LANCL1: variants seen among roughly 807,000 people sequenced by gnomAD.
The protein encoded by LANCL1 is LanC like glutathione S-transferase 1.
Under a neutral mutation model 50.6 loss-of-function variants are expected in LANCL1, and 50 were observed. The ratio of observed to expected loss-of-function variants is 0.99; its 90% CI spans 0.79 to 1.25. The LOEUF (loss-of-function observed/expected upper bound fraction) is 1.25, where lower values mean the gene tolerates loss of function less well. Among genes scored for constraint, LANCL1 ranks in the 50% most tolerant of loss-of-function variants. The pLI is 0.00. For synonymous variants in LANCL1, 188 were observed against 178.6 expected (o/e 1.05, Z -0.42); for missense variants, 532 against 480.7 (o/e 1.11, Z -1.00).
Position 210,436,220 on chromosome 2 carries a change from C to G in LANCL1, c.1046G>C (p.Cys349Ser). ...TQDMKYLYRA[C>S]KFAEWCLEYG... ...TTTGGTGGTTCTGACTCCTACCTTA[C>G]AGGCCCTATACAGGTACTTCATGTC... is the stretch of plus-strand genomic sequence containing the variant. Residue 349 changes from cysteine (C) to serine (S), a missense_variant, in exon 8 of 10, where the codon TGT becomes TCT. Physicochemically the swap from Cys to Ser is moderately radical, Grantham distance 112. Transcript: ENST00000450366. 1 of 1,613,522 alleles carries G rather than the reference C, an allele frequency of 6.2e-7. No homozygotes were observed.
chr2:210,476,896 A>C, upstream of LANCL1: 1 of 746,308 alleles, frequency 1.3e-6, no homozygotes, highest in Non-Finnish European at 1.6e-6. Flanking sequence ...ACTGGGTAGC[A>C]GAAGTGAGGA....
At position 210,431,892 on chromosome 2, in the gene LANCL1, T is replaced by C. The variant is rs1169039739; in HGVS notation, c.*2595A>G. On this transcript the variant is annotated 3_prime_UTR_variant, in exon 10 of 10. Coordinates refer to ENST00000450366, the MANE Select transcript of LANCL1 (RefSeq NM_006055.3). Reference sequence around the variant, plus strand: ...ATGATGAAAAGTTAACTATTTGCAATTTCTAAATTACTATAGAAACAGAAA... The same window carrying C: ...ATGATGAAAAGTTAACTATTTGCAACTTCTAAATTACTATAGAAACAGAAA... 1 of 152,228 alleles carries C rather than the reference T, an allele frequency of 6.6e-6. No individual in the cohort carries two copies. Among genetic ancestry groups the C allele is most frequent in the Non-Finnish European group, 1.5e-5 (1 of 68,036 alleles). The allele number at this position is 152,228 out of a possible 1,614,324, so 9.4% of individuals were successfully genotyped here.
At chr2:210,477,584 C>T (rs1230183533), upstream of LANCL1, 2 of 1,393,406 alleles carry the variant, frequency 1.4e-6, no homozygotes, top group Non-Finnish European at 1.9e-6. Flanking sequence ...TGGAGAAGCT[C>T]AGTCTCCACC....
chr2:210,445,965 G>C (rs577553734), intron 4 of LANCL1, among the ~76,000 whole-genome samples: 7 of 152,338 alleles, frequency 4.6e-5, no homozygotes, highest in African/African-American at 1.4e-4. Flanking sequence ...CCCAGTCAGG[G>C]AATTACAGAT....
At chr2:210,454,538 A>G (rs1413166026) in intron 4 of LANCL1, among the ~76,000 whole-genome samples, 1 of 152,194 alleles carries the variant, frequency 6.6e-6, no homozygotes, top group Non-Finnish European at 1.5e-5. Context: ...AGAGCGATGC[A>G]TGCAGAGTTG....
chr2:210,463,221 T>TA (rs199813177), intron 3 of LANCL1, among the ~76,000 whole-genome samples: 83 of 152,210 alleles, frequency 5.5e-4, no homozygotes, highest in African/African-American at 1.9e-3. Context: ...TTTATTTATT[T>TA]TTTTTTTTGG....
intron 3 of LANCL1, among the ~76,000 whole-genome samples, chr2:210,462,243 G>C (rs1263113422): frequency 1.3e-5 from 2 of 152,208 alleles, no homozygotes; most frequent in Admixed American, 6.5e-5. Flanking sequence ...GCTATGTGTA[G>C]AGTCATATAT....
intron 4 of LANCL1, 118 bp downstream of exon 4, chr2:210,454,989 G>A: frequency 1.3e-6 from 1 of 750,434 alleles, no homozygotes; most frequent in Non-Finnish European, 2.2e-6. Context: ...TCAAATGACA[G>A]CAGTGAGATT....
intron 3 of LANCL1, among the ~76,000 whole-genome samples, chr2:210,466,551 T>C (rs1190727176): frequency 2.6e-5 from 4 of 152,202 alleles, no homozygotes; most frequent in Non-Finnish European, 5.9e-5. Flanking sequence ...TGCCTTTCCC[T>C]ATGGTATGTA....
chr2:210,471,832 G>A (rs919296707), intron 3 of LANCL1, 127 bp downstream of exon 3: 8 of 771,156 alleles, frequency 1.0e-5, no homozygotes, highest in African/African-American at 8.5e-5. Flanking sequence ...CACTCTCCCA[G>A]AAGCAATTAC....
intron 4 of LANCL1, among the ~76,000 whole-genome samples, chr2:210,454,556 G>A (rs560969438): frequency 6.6e-6 from 1 of 152,340 alleles, no homozygotes; most frequent in African/African-American, 2.4e-5. Context: ...TTGCACGGCA[G>A]CCAGGGTTCT....
At chr2:210,457,173 G>A (rs1381573086) in intron 3 of LANCL1, among the ~76,000 whole-genome samples, 3 of 152,148 alleles carry the variant, frequency 2.0e-5, no homozygotes, top group Non-Finnish European at 1.5e-5. Flanking sequence ...ATCCATGGTG[G>A]AAAAGGACTT....
chr2:210,449,897 T>G (rs970322696), intron 4 of LANCL1, among the ~76,000 whole-genome samples: 1 of 152,128 alleles, frequency 6.6e-6, no homozygotes, highest in African/African-American at 2.4e-5. Flanking sequence ...AGAATCAATA[T>G]TGGGAAATGA....
At chr2:210,457,365 T>C (rs1693703377) in intron 3 of LANCL1, among the ~76,000 whole-genome samples, 1 of 152,182 alleles carries the variant, frequency 6.6e-6, no homozygotes, top group African/African-American at 2.4e-5. Context: ...GAGGACTGCT[T>C]GTGGCCAAAT....
At position 210,432,022 on chromosome 2, in the gene LANCL1, C is replaced by G. The variant is rs1049728865; in HGVS notation, c.*2465G>C. 6.6e-6 allele frequency: 1 copy of G among 152,012 alleles called. No individual in the cohort carries two copies. Among genetic ancestry groups the G allele is most frequent in the African/African-American group, 2.4e-5 (1 of 41,378 alleles). The allele number at this position is 152,012 out of a possible 1,614,324, so 9.4% of individuals were successfully genotyped here. On this transcript the variant is annotated 3_prime_UTR_variant, in exon 10 of 10. Transcript: ENST00000450366. The stretch of plus-strand genomic sequence containing the variant: ...ATAAGAGATGATGGTATTGAGTTTT[C>G]TAGGAACCAACTTCTGGGAAAGATT...
At chr2:210,442,484 C>T (rs1228377968) in intron 4 of LANCL1, 1 of 152,150 alleles carries the variant, frequency 6.6e-6, no homozygotes, top group Admixed American at 6.5e-5. Flanking sequence ...TCATTCAATC[C>T]CTACGGATAG....
At chr2:210,471,042 A>ATTTTTTTTTTTTTTT (rs35572251) in intron 3 of LANCL1, among the ~76,000 whole-genome samples, 2 of 96,286 alleles carry the variant, frequency 2.1e-5, no homozygotes, top group African/African-American at 4.0e-5. Flanking sequence ...TTCTTCTTTG[A>ATTTTTTTTTTTTTTT]TTTTTTTTTT....
At chr2:210,443,674 T>C (rs115110199) in intron 4 of LANCL1, among the ~76,000 whole-genome samples, 1,698 of 152,304 alleles carry the variant, frequency 0.011, 24 homozygotes, top group African/African-American at 0.035. Flanking sequence ...CTTCAGTCTA[T>C]ACACTAGGGA....
chr2:210,445,760 G>C (rs1267438413), intron 4 of LANCL1, among the ~76,000 whole-genome samples: 3 of 152,146 alleles, frequency 2.0e-5, no homozygotes, highest in Non-Finnish European at 4.4e-5. Context: ...CTTTAGAAGA[G>C]ATAGCCAAGT....
Sources: allele counts gnomAD v4.1 joint callset (sites outside exome capture counted in the v4.1 genomes callset), GRCh38; gene constraint gnomAD v4.1.1; transcripts MANE v1.5; gene names NCBI Gene and HGNC (gene_info 2026-07-23, HGNC 2026-07-21).